SBNO2: variants seen among roughly 807,000 people sequenced by gnomAD.
The protein encoded by SBNO2 is strawberry notch homolog 2, also known as protein strawberry notch homolog 2.
In SBNO2, 89 loss-of-function variants were observed where a neutral mutation model predicts 146.3. That is an observed-to-expected ratio of 0.61 (90% CI 0.51 to 0.73). The LOEUF (loss-of-function observed/expected upper bound fraction) is 0.73, where lower values mean the gene tolerates loss of function less well. Among genes scored for constraint, SBNO2 ranks in the 30% least tolerant of loss-of-function variants. The probability of loss-of-function intolerance (pLI) is 0.00; values close to 1 mark genes in which losing one functional copy is unlikely to be tolerated. For missense variants in SBNO2, 2,092 were observed against 2,003.7 expected (o/e 1.04, Z -0.84); for synonymous variants, 1,147 against 892.6 (o/e 1.29, Z -5.08).
rs1222651380 is a variant in SBNO2, at chr19:1,144,829, CAGAG to C, written c.279+2476_279+2479del. ...AGAGAGACAGAGACAGAGAGGGAGA[CAGAG>C]AGACAGGGGCAGAGACAAGCAGAGA... On this transcript the variant is annotated intron_variant, in intron 4 of 31. Coordinates refer to ENST00000361757, the MANE Select transcript of SBNO2 (RefSeq NM_014963.3). The surrounding 1 kb of genome is among the most constrained non-coding windows in gnomAD (Gnocchi z 4.1). 3.1e-5 allele frequency among the ~76,000 whole-genome samples: 4 copies of C among 127,152 alleles called. No individual in the cohort carries two copies. Among genetic ancestry groups the C allele is most frequent in the Non-Finnish European group, 6.6e-5 (4 of 60,284 alleles). 83.4% of individuals were successfully genotyped at this position (127,152 alleles called of 152,430 possible).
In SBNO2 at chr19:1,128,141, A is replaced by G. The variant is rs572729294; in HGVS notation, c.280-376T>C. 1.3e-4 allele frequency: 62 copies of G among 477,862 alleles called. 2 individuals are homozygous for G. Among genetic ancestry groups the G allele is most frequent in the South Asian group, 9.3e-4 (60 of 64,686 alleles). The allele number at this position is 477,862 out of a possible 1,614,324, so 29.6% of individuals were successfully genotyped here. A position where few individuals can be genotyped will look rare whatever the true frequency, so the allele number is the denominator to read the frequency against. On this transcript the variant is annotated intron_variant, in intron 4 of 31. Coordinates refer to ENST00000361757, the MANE Select transcript of SBNO2 (RefSeq NM_014963.3). ...GCGAGAGAGTGAGACTCCGTCTCAA[A>G]AAAGAAAAAAATAAACAAGCAATGG... is the stretch of plus-strand genomic sequence containing the variant.
chr19:1,122,388 G>A, intron 10 of SBNO2, 80 bp downstream of exon 10: 2 of 1,519,374 alleles, frequency 1.3e-6, no homozygotes, highest in South Asian at 2.5e-5. Flanking sequence ...CCTGGCTGCT[G>A]GCCCACCCAG....
At chr19:1,113,973 A>T (rs892761390) in intron 18 of SBNO2, among the ~76,000 whole-genome samples, 2 of 152,218 alleles carry the variant, frequency 1.3e-5, no homozygotes, top group African/African-American at 4.8e-5. Flanking sequence ...CCCAGCCCCA[A>T]GCCCCAGCTC....
At chr19:1,115,193 G>A (rs2079816439) in intron 17 of SBNO2, among the ~76,000 whole-genome samples, 1 of 151,986 alleles carries the variant, frequency 6.6e-6, no homozygotes, top group Admixed American at 6.6e-5. Context: ...GCCTTCCAAA[G>A]TGCTGGGATT....
chr19:1,116,654 T>G (rs574175467), intron 16 of SBNO2, among the ~76,000 whole-genome samples, 175 bp downstream of exon 16: 1 of 152,124 alleles, frequency 6.6e-6, no homozygotes, highest in Admixed American at 6.5e-5. Flanking sequence ...AGCCTCTGCT[T>G]TAGACCTGGA....
intron 1 of SBNO2, among the ~76,000 whole-genome samples, chr19:1,155,925 C>T (rs75060021): frequency 0.057 from 8,687 of 152,248 alleles, 416 homozygotes; most frequent in Middle Eastern, 0.086. Flanking sequence ...TTCCATCTCA[C>T]GGCAGCCACA....
chr19:1,163,597 A>G (rs12985107), intron 1 of SBNO2, among the ~76,000 whole-genome samples: 44,156 of 152,142 alleles, frequency 0.29, 7,069 homozygotes, highest in East Asian at 0.45. Flanking sequence ...TTTCCACAGC[A>G]TCCCAGGAGG....
chr19:1,113,551 G>A lies in SBNO2; in HGVS notation c.2231C>T (p.Pro744Leu). The A allele has an allele frequency of 1.9e-6, 3 of 1,597,866 alleles. No individual in the cohort carries two copies. Among genetic ancestry groups the A allele is most frequent in the Non-Finnish European group, 2.6e-6 (3 of 1,173,752 alleles). Residue 744 changes from proline to leucine, a missense_variant, in exon 19 of 32, where the codon CCC (proline) becomes CTC (leucine). Transcript: ENST00000361757. ...LDELIDQLGG[P>L]QRVAEMTGRK... ...CCCACCCACCTCCGCCACCCGCTGG[G>A]GGCCGCCCAGCTGGTCGATGAGCTC...
At chr19:1,114,487 A>C in intron 17 of SBNO2, 65 bp from the exon 18 acceptor site, 1 of 1,348,352 alleles carries the variant, frequency 7.4e-7, no homozygotes, top group Middle Eastern at 2.5e-4. Context: ...GGTGGAGGAG[A>C]CGCAGCAGGA....
Position 1,123,583 on chromosome 19 carries a change from C to T in SBNO2, c.579G>A (p.Ala193=), listed in dbSNP as rs776695233. The T allele has an allele frequency of 8.7e-5, 140 of 1,613,560 alleles. No homozygotes were observed. The highest frequency in any genetic ancestry group is 2.7e-4 in the South Asian group (25 of 91,078). Residue 193 remains alanine (A), a synonymous_variant, in exon 7 of 32, where the codon GCG becomes GCA. Coordinates refer to ENST00000361757, the MANE Select transcript of SBNO2 (RefSeq NM_014963.3). ...EEEDEAEEEE[A]EELGHTETYA... ...AGGTCTCTGTGTGCCCCAGCTCCTC[C>T]GCCTCCTCCTCCTCAGCCTCGTCCT...
intron 4 of SBNO2, among the ~76,000 whole-genome samples, chr19:1,146,572 C>T (rs57807330): frequency 0.036 from 5,428 of 151,890 alleles, 320 homozygotes; most frequent in African/African-American, 0.12. Flanking sequence ...GGATGTGGTC[C>T]GGCCCAGCAG....
At chr19:1,122,592 T>TGCCCCCCCCCCCCCCCCAAGGCCCCCC in intron 9 of SBNO2, 34 bp from the exon 10 acceptor site, 1 of 1,455,730 alleles carries the variant, frequency 6.9e-7, no homozygotes, top group Non-Finnish European at 9.2e-7. Context: ...CGCCCACCCT[T>TGCCCCCCCCCCCCCCCCAAGGCCCCCC]CCCCCTCGCC....
At chr19:1,167,890 G>A (rs538401809) in intron 1 of SBNO2, among the ~76,000 whole-genome samples, 17 of 152,294 alleles carry the variant, frequency 1.1e-4, no homozygotes, top group African/African-American at 3.1e-4. Flanking sequence ...CCGGGGACAC[G>A]CTCCCACTCC....
rs766724776 is a variant in SBNO2 at position 1,112,964 on chromosome 19, G to C, written c.2248-15C>G. 42 of 1,552,366 alleles carry C rather than the reference G, an allele frequency of 2.7e-5. No individual in the cohort carries two copies. The highest frequency in any genetic ancestry group is 3.4e-5 in the Non-Finnish European group (39 of 1,149,562). ...CTGCCGGTCATCTGCAGCCGAGACAGGGACAAAACCGGCCGTCAGTGTTGT... is the reference window on the plus strand; with the variant it reads ...CTGCCGGTCATCTGCAGCCGAGACACGGACAAAACCGGCCGTCAGTGTTGT... On this transcript the variant is annotated splice_polypyrimidine_tract_variant and intron_variant, in intron 19 of 31. Coordinates refer to ENST00000361757, the MANE Select transcript of SBNO2 (RefSeq NM_014963.3). This position sits in a 1 kb window ranked among gnomAD's most constrained non-coding sequence, Gnocchi z 5.9.
At chr19:1,127,807 C>A (rs2079983955) in intron 4 of SBNO2, 42 bp from the exon 5 acceptor site, 1 of 1,590,326 alleles carries the variant, frequency 6.3e-7, no homozygotes, top group South Asian at 1.1e-5. Flanking sequence ...GTACGGGAGA[C>A]ACCAAGGCCC....
rs766045603 is a variant in SBNO2 at position 1,147,436 on chromosome 19, G to GC, written c.168-17_168-16insG. ...CATGAACGGGCTGGAGGGAGATGGG[G>GC]GGGGGGGAGGTGAGATGGGGTGCTC... On this transcript the variant is annotated splice_polypyrimidine_tract_variant and intron_variant, in intron 3 of 31. Coordinates refer to ENST00000361757, the MANE Select transcript of SBNO2 (RefSeq NM_014963.3). The GC allele has an allele frequency of 6.1e-6, 8 of 1,301,304 alleles. No homozygotes were observed. The highest frequency in any genetic ancestry group is 1.6e-5 in the African/African-American group (1 of 64,394). 80.6% of individuals were successfully genotyped at this position (1,301,304 alleles called of 1,614,324 possible).
chr19:1,108,242 G>T lies in SBNO2; in HGVS notation c.4079C>A (p.Pro1360His). Residue 1360 changes from proline (P) to histidine (H), a missense_variant, in exon 32 of 32, where the codon CCC becomes CAC. Physicochemically the swap from Pro to His is moderately conservative, Grantham distance 77. Transcript: ENST00000361757. ...QSVIQFSPPF[P>H]GAQAPL ...GTGTCAGAGAGGAGCCTGGGCGCCG[G>T]GGAAGGGTGGGCTGAACTGGATCAC... 1.3e-6 allele frequency: 2 copies of T among 1,527,158 alleles called. No individual in the cohort carries two copies. Among genetic ancestry groups the T allele is most frequent in the South Asian group, 2.4e-5 (2 of 83,320 alleles). 94.6% of individuals were successfully genotyped at this position (1,527,158 alleles called of 1,614,324 possible). A position where few individuals can be genotyped will look rare whatever the true frequency, so the allele number is the denominator to read the frequency against.
At position 1,127,685 on chromosome 19, in the gene SBNO2, C is replaced by T. The variant is rs1296646985; in HGVS notation, c.360G>A (p.Thr120=). 9.3e-6 allele frequency: 15 copies of T among 1,613,510 alleles called. No individual in the cohort carries two copies. Among genetic ancestry groups the T allele is most frequent in the East Asian group, 6.7e-5 (3 of 44,880 alleles). ...GGCTGTCAGCCGGCAGGAAGTCGGG[C>T]GTGTCCACGATGTCCGACAGGGAGT... ...SVDSLSDIVD[T]PDFLPADSLN... is the part of the protein sequence containing the mutation. Residue 120 remains threonine, a synonymous_variant, in exon 5 of 32, where the codon ACG becomes ACA. Coordinates refer to ENST00000361757, the MANE Select transcript of SBNO2 (RefSeq NM_014963.3).
At position 1,136,886 on chromosome 19, in the gene SBNO2, G is replaced by A. The variant is rs767681327; in HGVS notation, c.280-9121C>T. The stretch of plus-strand genomic sequence containing the variant: ...GAGAGTGTTGTTACCGGACAGCTGC[G>A]TTCCCAATGGTCCCTGCAGCCCCAT... On this transcript the variant is annotated intron_variant, in intron 4 of 31. Coordinates refer to ENST00000361757, the MANE Select transcript of SBNO2 (RefSeq NM_014963.3). This position sits in a 1 kb window ranked among gnomAD's most constrained non-coding sequence, Gnocchi z 4.2. Among the ~76,000 whole-genome samples the A allele has an allele frequency of 1.3e-5, 2 of 151,968 alleles. No individual in the cohort carries two copies. Among genetic ancestry groups the A allele is most frequent in the Non-Finnish European group, 2.9e-5 (2 of 68,002 alleles).
Sources: allele counts gnomAD v4.1 joint callset (sites outside exome capture counted in the v4.1 genomes callset), GRCh38; gene constraint gnomAD v4.1.1; non-coding constraint Gnocchi (gnomAD v3.1); transcripts MANE v1.5; gene names NCBI Gene and HGNC (gene_info 2026-07-23, HGNC 2026-07-21).